The following CLMP variants were observed in gnomAD, a reference collection of about 807,000 sequenced individuals.
CLMP encodes the protein CXADR-like membrane protein.
In CLMP, 27 loss-of-function variants were observed where a neutral mutation model predicts 45.2. That is an observed-to-expected ratio of 0.60 (90% confidence interval 0.44 to 0.82). The LOEUF is 0.82. CLMP is among the 40% of genes least tolerant of loss of function. The pLI is 0.00. For missense variants in CLMP, 403 were observed against 448.4 expected (o/e 0.90, Z 0.91); for synonymous variants, 167 against 171.4 (o/e 0.97, Z 0.20).
At chr11:123,111,632 T>C (rs865906886) in intron 1 of CLMP, among the ~76,000 whole-genome samples, 1 of 152,210 alleles carries the variant, frequency 6.6e-6, no homozygotes, top group South Asian at 2.1e-4. Context: ...AAGGTAGTTA[T>C]TCTTAGTAAC....
At chr11:123,087,682 G>C (rs1308429033) in intron 2 of CLMP, among the ~76,000 whole-genome samples, 2 of 151,692 alleles carry the variant, frequency 1.3e-5, no homozygotes, top group Non-Finnish European at 2.9e-5. Context: ...TTAGCTGGGT[G>C]TGGTGGCATA....
chr11:123,088,290 C>A (rs1048880814), intron 2 of CLMP, among the ~76,000 whole-genome samples: 4 of 152,054 alleles, frequency 2.6e-5, no homozygotes, highest in African/African-American at 9.7e-5. Flanking sequence ...GAAGGAAATG[C>A]GTTCACAACA....
At chr11:123,191,503 A>G (rs559442981) in intron 1 of CLMP, 16 of 152,340 alleles carry the variant, frequency 1.1e-4, no homozygotes, top group African/African-American at 3.6e-4. Context: ...TTCAACAGGT[A>G]AGTCTATTTT....
chr11:123,110,171 G>C (rs1277800424), intron 1 of CLMP, among the ~76,000 whole-genome samples: 3 of 152,054 alleles, frequency 2.0e-5, no homozygotes, highest in Non-Finnish European at 4.4e-5. Context: ...GAAATAAGTG[G>C]TGTTGCCCAT....
intron 1 of CLMP, among the ~76,000 whole-genome samples, chr11:123,134,066 T>C (rs1861031793): frequency 6.6e-6 from 1 of 151,916 alleles, no homozygotes; most frequent in East Asian, 1.9e-4. Context: ...TCAAGACCAG[T>C]CTGGCCAACA....
intron 1 of CLMP, among the ~76,000 whole-genome samples, chr11:123,179,897 G>C (rs1022066149): frequency 7.9e-5 from 12 of 152,160 alleles, no homozygotes; most frequent in Non-Finnish European, 1.8e-4. Flanking sequence ...TTCTTCCTGA[G>C]AGGCATTTTC....
intron 1 of CLMP, among the ~76,000 whole-genome samples, chr11:123,192,788 A>G: frequency 6.6e-6 from 1 of 152,128 alleles, no homozygotes; most frequent in Non-Finnish European, 1.5e-5. Flanking sequence ...ATACTGTGCA[A>G]TCTTTAGAAA....
Position 123,087,081 on chromosome 11 carries a change from T to C in CLMP, c.187-2368A>G, listed in dbSNP as rs140849859. 2.6e-3 allele frequency among the ~76,000 whole-genome samples: 392 copies of C among 152,238 alleles called. 6 individuals are homozygous for C. The highest frequency in any genetic ancestry group is 1.7e-3 in the Non-Finnish European group (117 of 68,012). ...GGCCTGACGTGGTGGCTCACGCCTA[T>C]AATCCCAGTCCTTTGGGAGGCCGAG... is the stretch of plus-strand genomic sequence containing the variant. On this transcript the variant is annotated intron_variant, in intron 2 of 6. Coordinates refer to ENST00000448775, the MANE Select transcript of CLMP (RefSeq NM_024769.5).
rs1031853572 is a variant in CLMP at position 123,136,371 on chromosome 11, G to A, written c.29-38419C>T. The stretch of plus-strand genomic sequence containing the variant: ...TCACTTTCATATTCTTGGGGAGCCG[G>A]GTTCAGGTTGCCATGATACCGCCGG... On this transcript the variant is annotated intron_variant, in intron 1 of 6. Coordinates refer to ENST00000448775, the MANE Select transcript of CLMP (RefSeq NM_024769.5). The A allele has an allele frequency of 1.1e-5, 6 of 543,900 alleles. No individual in the cohort carries two copies. In the African/African-American group the frequency reaches 1.2e-4, roughly 10 times the overall value. 33.7% of individuals were successfully genotyped at this position (543,900 alleles called of 1,614,324 possible).
At chr11:123,144,026 C>G (rs1184224526) in intron 1 of CLMP, among the ~76,000 whole-genome samples, 2 of 152,092 alleles carry the variant, frequency 1.3e-5, no homozygotes, top group Admixed American at 1.3e-4. Flanking sequence ...ACAGGCTGGT[C>G]TCAAACTCTT....
intron 5 of CLMP, among the ~76,000 whole-genome samples, chr11:123,081,616 A>C (rs74236722): frequency 0.065 from 9,836 of 152,294 alleles, 389 homozygotes; most frequent in Admixed American, 0.13. Flanking sequence ...CATGCCGGTA[A>C]TCGCAGCACT....
At chr11:123,133,379 C>T (rs890365017) in intron 1 of CLMP, among the ~76,000 whole-genome samples, 1 of 152,072 alleles carries the variant, frequency 6.6e-6, no homozygotes, top group Non-Finnish European at 1.5e-5. Flanking sequence ...ATCCTCCTCT[C>T]GGTCTGACCA....
chr11:123,120,932 C>T (rs1320807602), intron 1 of CLMP, among the ~76,000 whole-genome samples: 3 of 152,042 alleles, frequency 2.0e-5, no homozygotes, highest in East Asian at 3.9e-4. Flanking sequence ...CGAGACCATC[C>T]TTGGTAACAT....
At chr11:123,103,916 G>A (rs1189257977) in intron 1 of CLMP, among the ~76,000 whole-genome samples, 1 of 148,750 alleles carries the variant, frequency 6.7e-6, no homozygotes, top group Non-Finnish European at 1.5e-5. Flanking sequence ...TGCAACCTCT[G>A]CCTCCCAGGT....
chr11:123,092,077 C>T (rs986607718), intron 2 of CLMP, among the ~76,000 whole-genome samples: 2 of 152,066 alleles, frequency 1.3e-5, no homozygotes, highest in Non-Finnish European at 2.9e-5. Context: ...GCCTCAACAA[C>T]ACCTATATAA....
chr11:123,109,273 G>A (rs1351197533), intron 1 of CLMP, among the ~76,000 whole-genome samples: 7 of 152,172 alleles, frequency 4.6e-5, no homozygotes, highest in Admixed American at 3.3e-4. Context: ...AAAGAGGATC[G>A]TTGACACCTG....
At chr11:123,140,734 G>A (rs879445093) in intron 1 of CLMP, among the ~76,000 whole-genome samples, 10 of 152,052 alleles carry the variant, frequency 6.6e-5, no homozygotes, top group Admixed American at 2.0e-4. Flanking sequence ...GTATAACAGC[G>A]TCCAGTGTAC....
intron 1 of CLMP, among the ~76,000 whole-genome samples, chr11:123,138,056 G>A (rs1010561833): frequency 6.6e-5 from 10 of 151,688 alleles, no homozygotes; most frequent in Non-Finnish European, 1.5e-4. Context: ...GCCTCCTGGC[G>A]ACTCGCTAAG....
intron 1 of CLMP, among the ~76,000 whole-genome samples, chr11:123,138,617 C>T (rs1321361652): frequency 2.9e-5 from 4 of 138,054 alleles, no homozygotes; most frequent in Non-Finnish European, 4.7e-5. Flanking sequence ...CCTCCCCCTC[C>T]CCTGCCACCA....
Sources: allele counts gnomAD v4.1 joint callset (sites outside exome capture counted in the v4.1 genomes callset), GRCh38; gene constraint gnomAD v4.1.1; transcripts MANE v1.5; gene names NCBI Gene and HGNC (gene_info 2026-07-23, HGNC 2026-07-21).